Variants in COL5A1 observed in about 807,000 individuals in gnomAD.
COL5A1 encodes the protein collagen alpha-1(V) chain.
A neutral mutation model predicts 263.7 loss-of-function variants in COL5A1; 16 were observed. The ratio of observed to expected loss-of-function variants is 0.06; its 90% CI spans 0.04 to 0.09. The LOEUF is 0.09. Ranked by LOEUF, COL5A1 falls within the 10% of genes least tolerant of loss-of-function variation. The pLI is 1.00. For missense variants in COL5A1, 2,036 were observed against 2,540.5 expected (o/e 0.80, Z 4.27); for synonymous variants, 1,012 against 1,004.5 (o/e 1.01, Z -0.14).
chr9:134,836,385 C>T (rs1290745647), intron 65 of COL5A1, among the ~76,000 whole-genome samples: 3 of 152,174 alleles, frequency 2.0e-5, no homozygotes, highest in African/African-American at 7.2e-5. Flanking sequence ...GAGGGCAGCA[C>T]CAAGCCCCGT....
rs760897536 is a variant in COL5A1 at position 134,696,230 on chromosome 9, G to C, written c.278-3679G>C. Among the ~76,000 whole-genome samples the C allele has an allele frequency of 3.3e-5, 5 of 152,100 alleles. No individual in the cohort carries two copies. Among genetic ancestry groups the C allele is most frequent in the Admixed American group, 6.5e-5 (1 of 15,280 alleles). The stretch of plus-strand genomic sequence containing the variant: ...ACTCTGTCGCCCAGGCTGGAGTGCA[G>C]TGGTGTAATCTTGGCTCACGGCAAC... On this transcript the variant is annotated intron_variant, in intron 2 of 65. Transcript: ENST00000371817. The surrounding 1 kb of genome is among the most constrained non-coding windows in gnomAD (Gnocchi z 4.3).
At position 134,694,132 on chromosome 9, in the gene COL5A1, G is replaced by A. The variant is rs541607441; in HGVS notation, c.277+3053G>A. ...CCCGCATCCAGGCAGCTGTTTCCCCGGCATCCGATCCCCTGACAAAATCCC... is the reference window on the plus strand; with the variant it reads ...CCCGCATCCAGGCAGCTGTTTCCCCAGCATCCGATCCCCTGACAAAATCCC... On this transcript the variant is annotated intron_variant, in intron 2 of 65. Coordinates refer to ENST00000371817, the MANE Select transcript of COL5A1 (RefSeq NM_000093.5). Among the ~76,000 whole-genome samples, 20 of 152,344 alleles carry A rather than the reference G, an allele frequency of 1.3e-4. No homozygotes were observed. The South Asian group carries it at 2.9e-3, about 22-fold the overall frequency.
intron 1 of COL5A1, among the ~76,000 whole-genome samples, chr9:134,655,033 G>T (rs1284098631): frequency 1.6e-5 from 2 of 128,512 alleles, no homozygotes; most frequent in Non-Finnish European, 1.7e-5. Context: ...GTGTAGGGCT[G>T]GGGGTGTGTA....
At chr9:134,822,727 C>CA (rs1245905541) in intron 59 of COL5A1, among the ~76,000 whole-genome samples, 14 of 150,584 alleles carry the variant, frequency 9.3e-5, no homozygotes, top group Non-Finnish European at 2.1e-4. Context: ...TGCGCCCCCC[C>CA]CGCGGCTGTC....
Position 134,699,898 on chromosome 9 carries a change from C to A in COL5A1, c.278-11C>A. ...CCCCGACTGCCTTCTCACCTCTGTGCTCTGTTCCAGCGTCTGCATTTCCCG... is the reference window on the plus strand; with the variant it reads ...CCCCGACTGCCTTCTCACCTCTGTGATCTGTTCCAGCGTCTGCATTTCCCG... On this transcript the variant is annotated splice_polypyrimidine_tract_variant and intron_variant, in intron 2 of 65. Transcript: ENST00000371817. The A allele has an allele frequency of 6.2e-7, 1 of 1,613,740 alleles. No individual in the cohort carries two copies. The highest frequency in any genetic ancestry group is 8.5e-7 in the Non-Finnish European group (1 of 1,179,878).
intron 11 of COL5A1, among the ~76,000 whole-genome samples, chr9:134,746,275 C>T (rs1835509737): frequency 6.6e-6 from 1 of 152,208 alleles, no homozygotes; most frequent in African/African-American, 2.4e-5. Flanking sequence ...TGGAGAGACG[C>T]CTGCACACTG....
chr9:134,817,104 T>C, intron 53 of COL5A1, 25 bp downstream of exon 53: 1 of 1,607,516 alleles, frequency 6.2e-7, no homozygotes, highest in Non-Finnish European at 8.5e-7. Flanking sequence ...AGGCACATCC[T>C]TGCTGTCAAA....
rs1407448300 is a variant in COL5A1, at chr9:134,682,191, C to T, written c.110-8721C>T. ...GGCCAGGCAGAAATGCTGCCCTGTT[C>T]GGGCTGGGGGCTGGACTGGGTGTCC... On this transcript the variant is annotated intron_variant, in intron 1 of 65. Transcript: ENST00000371817. This position sits in a 1 kb window ranked among gnomAD's most constrained non-coding sequence, Gnocchi z 5.1. 1.3e-5 allele frequency among the ~76,000 whole-genome samples: 2 copies of T among 152,166 alleles called. No individual in the cohort carries two copies. The highest frequency in any genetic ancestry group is 6.5e-5 in the Admixed American group (1 of 15,280).
intron 4 of COL5A1, among the ~76,000 whole-genome samples, chr9:134,712,975 C>T (rs1834119661): frequency 6.6e-6 from 1 of 152,200 alleles, no homozygotes; most frequent in African/African-American, 2.4e-5. Flanking sequence ...CCCAGCACTC[C>T]TGGAGCCCTG....
intron 62 of COL5A1, among the ~76,000 whole-genome samples, chr9:134,825,394 G>A (rs1267823710): frequency 6.6e-6 from 1 of 152,198 alleles, no homozygotes; most frequent in Admixed American, 6.5e-5. Context: ...CCCCTGGGAA[G>A]TTTGAATGTT....
rs1833453378 is a variant in COL5A1 at position 134,696,135 on chromosome 9, T to G, written c.278-3774T>G. Among the ~76,000 whole-genome samples the G allele has an allele frequency of 1.3e-5, 2 of 152,136 alleles. No individual in the cohort carries two copies. Among genetic ancestry groups the G allele is most frequent in the South Asian group, 4.1e-4 (2 of 4,830 alleles). ...CATTTCCTATCCTCTGACCTCTTTC[T>G]GCCACCCTGCCCCACTGCCCCCTGC... On this transcript the variant is annotated intron_variant, in intron 2 of 65. Coordinates refer to ENST00000371817, the MANE Select transcript of COL5A1 (RefSeq NM_000093.5). This position sits in a 1 kb window ranked among gnomAD's most constrained non-coding sequence, Gnocchi z 4.3.
At chr9:134,830,929 G>A (rs952732407) in intron 64 of COL5A1, among the ~76,000 whole-genome samples, 1 of 152,168 alleles carries the variant, frequency 6.6e-6, no homozygotes, top group Non-Finnish European at 1.5e-5. Flanking sequence ...GCAGAGTTCT[G>A]TCTTTTCTCC....
chr9:134,802,865 G>A (rs765280376), intron 38 of COL5A1, 23 bp from the exon 39 acceptor site: 8 of 1,565,088 alleles, frequency 5.1e-6, no homozygotes, highest in Non-Finnish European at 4.4e-6. Flanking sequence ...AACGTCTGTG[G>A]CTGACACTGA....
intron 28 of COL5A1, 133 bp downstream of exon 28, chr9:134,780,279 G>C: frequency 1.2e-6 from 1 of 866,306 alleles, no homozygotes; most frequent in Non-Finnish European, 2.0e-6. Flanking sequence ...TGAGGGGGAT[G>C]GATGCCACTC....
At chr9:134,747,654 CAG>C (rs942048500) in intron 11 of COL5A1, among the ~76,000 whole-genome samples, 1 of 150,230 alleles carries the variant, frequency 6.7e-6, no homozygotes, top group African/African-American at 2.5e-5. Context: ...CATACACATG[CAG>C]ACACATGCAC....
chr9:134,700,068 A>G lies in COL5A1; in HGVS notation c.437A>G (p.Lys146Arg), dbSNP rs148896932. The change falls in exon 3 of 66, where the codon AAG becomes AGG. Residue 146 changes from lysine to arginine, a missense_variant. Physicochemically the swap from Lys to Arg is conservative, Grantham distance 26. Coordinates refer to ENST00000371817, the MANE Select transcript of COL5A1 (RefSeq NM_000093.5). This position sits in a 1 kb window ranked among gnomAD's most constrained non-coding sequence, Gnocchi z 4.0. ...TTCCTCTACGAGGACCACACGGGGAAGCCTGGCCCGGAAGACTACCCCCTC... is the reference window on the plus strand; with the variant it reads ...TTCCTCTACGAGGACCACACGGGGAGGCCTGGCCCGGAAGACTACCCCCTC... The part of the protein sequence containing the change: ...PVFLYEDHTG[K>R]PGPEDYPLFR... The G allele has an allele frequency of 3.1e-6, 5 of 1,612,398 alleles. No homozygotes were observed. In the African/African-American group the frequency reaches 6.7e-5, roughly 22 times the overall value.
At chr9:134,722,476 TG>T (rs1250753375) in intron 4 of COL5A1, among the ~76,000 whole-genome samples, 1 of 152,164 alleles carries the variant, frequency 6.6e-6, no homozygotes. Context: ...CTGGACACCC[TG>T]GGGTACGGGG....
intron 4 of COL5A1, among the ~76,000 whole-genome samples, chr9:134,712,125 T>G (rs866985759): frequency 1.6e-4 from 11 of 70,790 alleles, no homozygotes; most frequent in Admixed American, 1.9e-4. Flanking sequence ...TTCCCCCTCC[T>G]TCCTGTTCCC....
chr9:134,706,545 G>T (rs1427585810), intron 4 of COL5A1, among the ~76,000 whole-genome samples: 1 of 152,204 alleles, frequency 6.6e-6, no homozygotes, highest in Non-Finnish European at 1.5e-5. Flanking sequence ...GAAGAAGAGA[G>T]TCTTGCTGCC....
Sources: allele counts gnomAD v4.1 joint callset (sites outside exome capture counted in the v4.1 genomes callset), GRCh38; gene constraint gnomAD v4.1.1; non-coding constraint Gnocchi (gnomAD v3.1); transcripts MANE v1.5; gene names NCBI Gene and HGNC (gene_info 2026-07-23, HGNC 2026-07-21).